KIF5C: variants seen among roughly 807,000 people sequenced by gnomAD.
The protein encoded by KIF5C is kinesin heavy chain isoform 5C.
A neutral mutation model predicts 125.2 loss-of-function variants in KIF5C; 18 were observed. That is an observed-to-expected ratio of 0.14 (90% CI 0.10 to 0.21). KIF5C has a LOEUF of 0.21. Among genes scored for constraint, KIF5C ranks in the 10% least tolerant of loss-of-function variants. The pLI, the probability that KIF5C is intolerant of heterozygous loss-of-function variation, is 1.00. For missense variants in KIF5C, 780 were observed against 1,183.8 expected (o/e 0.66, Z 5.01); for synonymous variants, 405 against 434.0 (o/e 0.93, Z 0.83).
In KIF5C at chr2:149,010,245, G is replaced by C; in HGVS notation, c.2661G>C (p.Lys887Asn). 6.3e-7 allele frequency: 1 copy of C among 1,585,786 alleles called. No individual in the cohort carries two copies. Among genetic ancestry groups the C allele is most frequent in the Non-Finnish European group, 8.6e-7 (1 of 1,166,658 alleles). The change falls in exon 24 of 26, where the codon AAG becomes AAC. Residue 887 changes from lysine (K) to asparagine (N), a missense_variant. By Grantham distance (94) the Lys-to-Asn change is moderately conservative (BLOSUM62 0). Around this residue, in one of 2 missense-constraint regions of KIF5C, gnomAD observed 573 missense variants for 742.6 expected, o/e 0.77. Transcript: ENST00000435030. ...TGGAGAGCGCGCTGAAGGAGGCCAA[G>C]GAGAACGCCATGCGGGACCGTAAGC... The part of the protein sequence containing the change: ...KALESALKEA[K>N]ENAMRDRKRY...
chr2:148,998,526 C>T lies in KIF5C; in HGVS notation c.2210+17C>T. 6.4e-7 allele frequency: 1 copy of T among 1,552,050 alleles called. No individual in the cohort carries two copies. The highest frequency in any genetic ancestry group is 8.7e-7 in the Non-Finnish European group (1 of 1,147,336). ...GATTCGGGAGTGAGTCGGCCCAGGG[C>T]ACCAGGGGTGTGGGGGTGGTCATGC... is the stretch of plus-strand genomic sequence containing the variant. On this transcript the variant is annotated intron_variant, in intron 19 of 25. Transcript: ENST00000435030.
chr2:148,931,506 C>T (rs1259306917), intron 3 of KIF5C, among the ~76,000 whole-genome samples: 2 of 151,512 alleles, frequency 1.3e-5, no homozygotes, highest in Non-Finnish European at 2.9e-5. Flanking sequence ...ACTAAAAATA[C>T]AAAAAAATTA....
chr2:148,951,852 G>C (rs747897155), intron 10 of KIF5C, among the ~76,000 whole-genome samples: 1 of 152,130 alleles, frequency 6.6e-6, no homozygotes, highest in Non-Finnish European at 1.5e-5. Context: ...GACAGATGGG[G>C]GTGGGCATTC....
At chr2:148,990,386 C>A (rs981196589) in intron 15 of KIF5C, among the ~76,000 whole-genome samples, 1 of 152,180 alleles carries the variant, frequency 6.6e-6, no homozygotes, top group Non-Finnish European at 1.5e-5. Context: ...GGAAAATAGA[C>A]TGGTAGTAGT....
chr2:148,965,364 C>T (rs867390508), intron 11 of KIF5C, among the ~76,000 whole-genome samples: 5 of 152,078 alleles, frequency 3.3e-5, no homozygotes, highest in Non-Finnish European at 5.9e-5. Flanking sequence ...AACCCCATTG[C>T]CACGTCACCA....
At chr2:148,994,757 C>A (rs6434629) in intron 17 of KIF5C, among the ~76,000 whole-genome samples, 4 of 151,174 alleles carry the variant, frequency 2.6e-5, no homozygotes, top group Non-Finnish European at 5.9e-5. Flanking sequence ...GGCTGAAGTG[C>A]GGTGGCATAA....
chr2:148,986,104 T>A (rs913996344), intron 15 of KIF5C, among the ~76,000 whole-genome samples: 1 of 152,194 alleles, frequency 6.6e-6, no homozygotes, highest in Non-Finnish European at 1.5e-5. Context: ...AGTTGATGCT[T>A]GCTGCTGATA....
Position 148,875,575 on chromosome 2 carries a change from G to GGCCCCCCCCCCCCCCCCCCCCCCCCCC in KIF5C, c.-43_-42insGCCCCCCCCCCCCCCCCCCCCCCCCCC. ...TCCTCCCTCGTCGTTCCCGGCCCCG[G>GGCCCCCCCCCCCCCCCCCCCCCCCCCC]CCCCCCACCCATCCCCGTGCCCCCT... On this transcript the variant is annotated 5_prime_UTR_variant, in exon 1 of 26. Transcript: ENST00000435030. 1 of 699,604 alleles carries GGCCCCCCCCCCCCCCCCCCCCCCCCCC rather than the reference G, an allele frequency of 1.4e-6. No homozygotes were observed. 43.3% of individuals were successfully genotyped at this position (699,604 alleles called of 1,614,324 possible).
Position 148,991,004 on chromosome 2 carries a change from G to A in KIF5C, c.1717-6G>A. 6.2e-7 allele frequency: 1 copy of A among 1,611,556 alleles called. No homozygotes were observed. The highest frequency in any genetic ancestry group is 8.5e-7 in the Non-Finnish European group (1 of 1,178,508). ...AACATTTGAGTGTGTCCCCTTCTTT[G>A]CTCAGTTGGCAGATGTGAATGGAGT... On this transcript the variant is annotated splice_region_variant and splice_polypyrimidine_tract_variant and intron_variant, in intron 15 of 25. Coordinates refer to ENST00000435030, the MANE Select transcript of KIF5C (RefSeq NM_004522.3).
chr2:148,938,613 G>T (rs532103466), intron 4 of KIF5C, among the ~76,000 whole-genome samples: 1 of 152,084 alleles, frequency 6.6e-6, no homozygotes, highest in Non-Finnish European at 1.5e-5. Context: ...TGCCCCCCTT[G>T]CCCGATGAGC....
In KIF5C at chr2:148,983,783, T is replaced by G; in HGVS notation, c.1716+17T>G. 2 of 1,586,696 alleles carry G rather than the reference T, an allele frequency of 1.3e-6. No homozygotes were observed. Among genetic ancestry groups the G allele is most frequent in the South Asian group, 2.3e-5 (2 of 86,176 alleles). ...GTGAAAACTGTAAGCCAGCCCTTCTTTTATCCTCTCTACCTGCTCCTGTCA... is the reference window on the plus strand; with the variant it reads ...GTGAAAACTGTAAGCCAGCCCTTCTGTTATCCTCTCTACCTGCTCCTGTCA... On this transcript the variant is annotated intron_variant, in intron 15 of 25. Coordinates refer to ENST00000435030, the MANE Select transcript of KIF5C (RefSeq NM_004522.3).
At chr2:149,016,590 G>A (rs919689387) in intron 25 of KIF5C, among the ~76,000 whole-genome samples, 1 of 152,186 alleles carries the variant, frequency 6.6e-6, no homozygotes, top group African/African-American at 2.4e-5. Context: ...TTTTAACCAT[G>A]CCAGGGAAAA....
In KIF5C at chr2:148,957,602, A is replaced by AAC. The variant is rs202150576; in HGVS notation, c.969-4368_969-4367insCA. Reference sequence around the variant, plus strand: ...GAATGTTTGTTCTAGTAAAAAAAAAAAAAAAAAAAAAAAAACAATAAACCT... The same window carrying AAC: ...GAATGTTTGTTCTAGTAAAAAAAAAAACAAAAAAAAAAAAAAACAATAAACCT... On this transcript the variant is annotated intron_variant, in intron 10 of 25. Coordinates refer to ENST00000435030, the MANE Select transcript of KIF5C (RefSeq NM_004522.3). Among the ~76,000 whole-genome samples, 414 of 118,220 alleles carry AAC rather than the reference A, an allele frequency of 3.5e-3. 4 individuals are homozygous for AAC. Among genetic ancestry groups the AAC allele is most frequent in the South Asian group, 0.012 (41 of 3,312 alleles). 77.6% of individuals were successfully genotyped at this position (118,220 alleles called of 152,430 possible).
rs1014495273 is a variant in KIF5C, at chr2:149,024,635, A to T, written c.*1565A>T. 17 of 151,938 alleles carry T rather than the reference A, an allele frequency of 1.1e-4. No individual in the cohort carries two copies. The highest frequency in any genetic ancestry group is 3.6e-4 in the African/African-American group (15 of 41,194). The allele number at this position is 151,938 out of a possible 1,614,324, so 9.4% of individuals were successfully genotyped here. A position where few individuals can be genotyped will look rare whatever the true frequency, so the allele number is the denominator to read the frequency against. On this transcript the variant is annotated 3_prime_UTR_variant, in exon 26 of 26. Transcript: ENST00000435030. ...GTACAAAATTTCCCTAGCAAAGCAAACCTGCTTTGACTTAATTTATTTGTT... is the reference window on the plus strand; with the variant it reads ...GTACAAAATTTCCCTAGCAAAGCAATCCTGCTTTGACTTAATTTATTTGTT...
chr2:149,018,666 T>TAATAA, intron 25 of KIF5C, among the ~76,000 whole-genome samples: 1 of 151,576 alleles, frequency 6.6e-6, no homozygotes, highest in South Asian at 2.1e-4. Context: ...ATAATAATAA[T>TAATAA]AATAAAATAA....
rs192582392 is a variant in KIF5C at position 148,995,139 on chromosome 2, T to C, written c.2023+601T>C. On this transcript the variant is annotated intron_variant, in intron 17 of 25. Coordinates refer to ENST00000435030, the MANE Select transcript of KIF5C (RefSeq NM_004522.3). ...GTCACCAGAGCCGGTCCATTTCACC[T>C]GCCAGAGGCCCCTCTGGTTCACTGT... 1.7e-3 allele frequency among the ~76,000 whole-genome samples: 258 copies of C among 152,300 alleles called. 1 individual carries two copies. Among genetic ancestry groups the C allele is most frequent in the East Asian group, 9.5e-3 (49 of 5,182 alleles).
intron 2 of KIF5C, among the ~76,000 whole-genome samples, chr2:148,923,579 C>T (rs1412698776): frequency 6.6e-6 from 1 of 152,182 alleles, no homozygotes; most frequent in Admixed American, 6.5e-5. Flanking sequence ...TTTGCTCCTA[C>T]TCAGCCCTGC....
chr2:148,940,637 C>T (rs892910519), intron 4 of KIF5C, among the ~76,000 whole-genome samples: 3 of 152,172 alleles, frequency 2.0e-5, no homozygotes, highest in African/African-American at 7.2e-5. Context: ...AACTGTTTTC[C>T]TTTCTGCCCA....
At chr2:148,980,910 A>G (rs1446596282) in intron 13 of KIF5C, among the ~76,000 whole-genome samples, 1 of 151,774 alleles carries the variant, frequency 6.6e-6, no homozygotes, top group Non-Finnish European at 1.5e-5. Flanking sequence ...GGGTTTTGCC[A>G]TATTGGCCAG....
Sources: allele counts gnomAD v4.1 joint callset (sites outside exome capture counted in the v4.1 genomes callset), GRCh38; gene constraint gnomAD v4.1.1; regional missense constraint gnomAD v4.1.1; transcripts MANE v1.5; gene names NCBI Gene and HGNC (gene_info 2026-07-23, HGNC 2026-07-21).